The following PBX1 variants were observed in gnomAD, a reference collection of about 807,000 sequenced individuals.
PBX1 encodes PBX homeobox 1.
Under a neutral mutation model 53.4 loss-of-function variants are expected in PBX1, and 6 were observed. That is an observed-to-expected ratio of 0.11 (90% CI 0.06 to 0.22). The LOEUF (loss-of-function observed/expected upper bound fraction) is 0.22. Ranked by LOEUF, PBX1 falls within the 10% of genes least tolerant of loss-of-function variation. The pLI, the probability that PBX1 is intolerant of heterozygous loss-of-function variation, is 1.00. For missense variants in PBX1, 251 were observed against 551.4 expected (o/e 0.46, Z 5.46); for synonymous variants, 204 against 212.3 (o/e 0.96, Z 0.34).
chr1:164,783,127 G>A (rs2102279225), intron 2 of PBX1, among the ~76,000 whole-genome samples: 1 of 152,286 alleles, frequency 6.6e-6, no homozygotes, highest in African/African-American at 2.4e-5. Flanking sequence ...TGCCAGGCCA[G>A]GAGGATGGTG....
intron 2 of PBX1, among the ~76,000 whole-genome samples, chr1:164,741,719 G>A (rs1252062129): frequency 6.9e-6 from 1 of 145,584 alleles, no homozygotes; most frequent in Non-Finnish European, 1.5e-5. Flanking sequence ...CTAGGAGGTT[G>A]GAGTGAGCAT....
intron 8 of PBX1, among the ~76,000 whole-genome samples, chr1:164,822,763 A>G (rs529964546): frequency 7.9e-5 from 12 of 152,338 alleles, no homozygotes; most frequent in African/African-American, 2.6e-4. Flanking sequence ...TAGATTCATC[A>G]TGAATGATCT....
At chr1:164,799,276 G>A (rs1668939701) in intron 3 of PBX1, among the ~76,000 whole-genome samples, 1 of 152,144 alleles carries the variant, frequency 6.6e-6, no homozygotes, top group Non-Finnish European at 1.5e-5. Context: ...GGATCACGAG[G>A]TCAGGAGATC....
chr1:164,783,171 A>T (rs2102279356), intron 2 of PBX1, among the ~76,000 whole-genome samples: 1 of 152,308 alleles, frequency 6.6e-6, no homozygotes, highest in East Asian at 1.9e-4. Context: ...AGGGTTGAAG[A>T]CTGTGGCATC....
At chr1:164,701,874 G>A (rs1418647615) in intron 2 of PBX1, among the ~76,000 whole-genome samples, 1 of 152,086 alleles carries the variant, frequency 6.6e-6, no homozygotes, top group Non-Finnish European at 1.5e-5. Context: ...TTTATTAGTG[G>A]TACTGTGACA....
At chr1:164,870,337 CTTTCTT>C (rs1672346843) in intron 2 of PBX1, among the ~76,000 whole-genome samples, 4 of 106,190 alleles carry the variant, frequency 3.8e-5, no homozygotes, top group African/African-American at 1.6e-4. Context: ...TTCTTTCTTT[CTTTCTT>C]TCTTTCTTTC....
chr1:164,686,849 C>T (rs796417206), intron 2 of PBX1, among the ~76,000 whole-genome samples: 35 of 151,316 alleles, frequency 2.3e-4, no homozygotes, highest in African/African-American at 8.0e-4. Flanking sequence ...CCCAGCTACT[C>T]GGGAGGCTGG....
chr1:164,659,311 G>T (rs1660349598), intron 2 of PBX1, among the ~76,000 whole-genome samples: 1 of 152,170 alleles, frequency 6.6e-6, no homozygotes. Context: ...GAGGGAAAAG[G>T]GGGTAAATCA....
chr1:164,853,757 A>G (rs1671913950), downstream of PBX1, among the ~76,000 whole-genome samples: 1 of 152,092 alleles, frequency 6.6e-6, no homozygotes, highest in Admixed American at 6.6e-5. Flanking sequence ...GCTAGCTGGA[A>G]GAATCAAGTC....
intron 2 of PBX1, among the ~76,000 whole-genome samples, chr1:164,673,123 A>G (rs1305131950): frequency 6.6e-6 from 1 of 152,184 alleles, no homozygotes; most frequent in Non-Finnish European, 1.5e-5. Context: ...TTTGAACCCA[A>G]GCAAATCCAT....
At position 164,783,363 on chromosome 1, in the gene PBX1, T is replaced by C. The variant is rs531795358; in HGVS notation, c.266-9131T>C. 3.4e-5 allele frequency among the ~76,000 whole-genome samples: 5 copies of C among 147,470 alleles called. 1 individual carries two copies. In the South Asian group the frequency reaches 1.1e-3, roughly 32 times the overall value. On this transcript the variant is annotated intron_variant, in intron 2 of 8. Coordinates refer to ENST00000420696, the MANE Select transcript of PBX1 (RefSeq NM_002585.4). ...ATCAGTGTGAGCTTGCCTGGAAGCATAGGTCAGTAAGGTGGGGGTGGGGGG... is the reference window on the plus strand; with the variant it reads ...ATCAGTGTGAGCTTGCCTGGAAGCACAGGTCAGTAAGGTGGGGGTGGGGGG...
chr1:164,575,206 AT>A (rs1654137603), intron 2 of PBX1, among the ~76,000 whole-genome samples: 1 of 152,352 alleles, frequency 6.6e-6, no homozygotes, highest in South Asian at 2.1e-4. Flanking sequence ...GAGCCCAGGA[AT>A]TTAGGAAAGG....
intron 2 of PBX1, among the ~76,000 whole-genome samples, chr1:164,603,672 A>G (rs1656331447): frequency 6.6e-6 from 1 of 152,228 alleles, no homozygotes; most frequent in African/African-American, 2.4e-5. Flanking sequence ...ACCTTTACCA[A>G]ACATCATTTC....
chr1:164,689,090 G>A (rs1273431607), intron 2 of PBX1, among the ~76,000 whole-genome samples: 4 of 152,218 alleles, frequency 2.6e-5, no homozygotes, highest in African/African-American at 9.6e-5. Context: ...TCGCCAAAGT[G>A]TTTAAACACC....
chr1:164,645,049 T>C (rs746159117), intron 2 of PBX1, among the ~76,000 whole-genome samples: 1 of 152,108 alleles, frequency 6.6e-6, no homozygotes, highest in African/African-American at 2.4e-5. Context: ...TATCTCTTTG[T>C]TTAGTTTTGG....
chr1:164,692,733 AT>A (rs71691009), intron 2 of PBX1, among the ~76,000 whole-genome samples: 35,971 of 152,010 alleles, frequency 0.24, 4,484 homozygotes, highest in African/African-American at 0.3. Context: ...TTGTAGATGT[AT>A]TTTTTATATT....
chr1:164,685,791 A>G (rs998914758), intron 2 of PBX1, among the ~76,000 whole-genome samples: 15 of 152,258 alleles, frequency 9.9e-5, no homozygotes, highest in African/African-American at 3.1e-4. Flanking sequence ...AAGCCTGGAC[A>G]GGAACTCAGA....
intron 2 of PBX1, among the ~76,000 whole-genome samples, chr1:164,736,202 C>G (rs991168615): frequency 1.3e-5 from 2 of 152,114 alleles, no homozygotes; most frequent in African/African-American, 2.4e-5. Flanking sequence ...GCCTTCAGGC[C>G]GGAATTGCCC....
intron 2 of PBX1, among the ~76,000 whole-genome samples, chr1:164,600,246 C>CTTTTTTTTTTTTTTTTTTT (rs71097539): frequency 1.6e-5 from 2 of 121,818 alleles, no homozygotes; most frequent in Non-Finnish European, 3.3e-5. Flanking sequence ...TATGCTGCTG[C>CTTTTTTTTTTTTTTTTTTT]TTTTTTTTTT....
Sources: gnomAD v4.1 joint callset for allele counts (sites outside exome capture counted in the v4.1 genomes callset) on GRCh38, gnomAD v4.1.1 for gene constraint, MANE v1.5 for transcripts, NCBI Gene and HGNC (gene_info 2026-07-23, HGNC 2026-07-21) for gene names.